The following SARDH variants were observed in gnomAD, a reference collection of about 807,000 sequenced individuals.
SARDH encodes sarcosine dehydrogenase, mitochondrial.
Under a neutral mutation model 109.1 loss-of-function variants are expected in SARDH, and 95 were observed. That is an observed-to-expected ratio of 0.87 (90% CI 0.74 to 1.03). The LOEUF is 1.03. SARDH is among the 50% of genes least tolerant of loss of function. The probability of loss-of-function intolerance (pLI) is 0.00; values close to 1 mark genes in which losing one functional copy is unlikely to be tolerated. For synonymous variants in SARDH, 572 were observed against 534.8 expected, an observed-to-expected ratio of 1.07 and a Z score of -0.96; for missense variants, 1,267 against 1,287.8, an observed-to-expected ratio of 0.98 and a Z score of 0.25.
chr9:133,684,044 C>T (rs1830793950), intron 17 of SARDH, among the ~76,000 whole-genome samples: 1 of 138,262 alleles, frequency 7.2e-6, no homozygotes, highest in African/African-American at 3.5e-5. Context: ...GCGACATCTC[C>T]TCCAGCATGA....
chr9:133,664,249 G>T (rs1588362240), intron 20 of SARDH, among the ~76,000 whole-genome samples: 1 of 152,182 alleles, frequency 6.6e-6, no homozygotes, highest in Non-Finnish European at 1.5e-5. Context: ...CCAAGGTCTG[G>T]CAGCCAATAT....
chr9:133,717,600 C>T, intron 7 of SARDH, 145 bp from the exon 8 acceptor site: 1 of 1,219,856 alleles, frequency 8.2e-7, no homozygotes, highest in Non-Finnish European at 1.1e-6. Context: ...CACGTCCCAG[C>T]CGTTTGTCTC....
chr9:133,669,662 GC>G (rs936680675), intron 19 of SARDH, among the ~76,000 whole-genome samples: 3 of 152,130 alleles, frequency 2.0e-5, no homozygotes, highest in African/African-American at 7.2e-5. Flanking sequence ...AGGTCAGGTC[GC>G]CCCCAGGCAG....
chr9:133,666,658 G>A lies in SARDH; in HGVS notation c.2631+77C>T. ...TCCTCCCTATGCCCGGCACACTCAG[G>A]GTGCAGTGCAGGGAGCTGGTTTGGA... On this transcript the variant is annotated intron_variant, in intron 20 of 20. Transcript: ENST00000439388. The surrounding 1 kb of genome is among the most constrained non-coding windows in gnomAD (Gnocchi z 5.2). 1 of 1,529,220 alleles carries A rather than the reference G, an allele frequency of 6.5e-7. No homozygotes were observed. Among genetic ancestry groups the A allele is most frequent in the Non-Finnish European group, 8.9e-7 (1 of 1,129,284 alleles). 94.7% of individuals were successfully genotyped at this position (1,529,220 alleles called of 1,614,324 possible).
chr9:133,739,192 G>A (rs1832980885), upstream of SARDH, among the ~76,000 whole-genome samples: 1 of 152,238 alleles, frequency 6.6e-6, no homozygotes, highest in Non-Finnish European at 1.5e-5. Flanking sequence ...CTGATGGAAA[G>A]TCACATCTCC....
intron 16 of SARDH, 46 bp downstream of exon 16, chr9:133,690,334 C>T (rs1189358494): frequency 6.3e-7 from 1 of 1,586,104 alleles, no homozygotes; most frequent in Admixed American, 1.7e-5. Context: ...GGACCTGGGT[C>T]CAGGCAGCAG....
Position 133,702,991 on chromosome 9 carries a change from G to A in SARDH, c.1593C>T (p.Arg531=), listed in dbSNP as rs758266072. 5 of 1,613,478 alleles carry A rather than the reference G, an allele frequency of 3.1e-6. No homozygotes were observed. The highest frequency in any genetic ancestry group is 4.5e-5 in the East Asian group (2 of 44,870). ...TGCGGTAGGCGTAGTCCTCGTGCGCGCGGCTCCCGTAAGCCCCGTAGTAGT... is the reference window on the plus strand; with the variant it reads ...TGCGGTAGGCGTAGTCCTCGTGCGCACGGCTCCCGTAAGCCCCGTAGTAGT... ...EYDYYGAYGS[R]AHEDYAYRRL... is the part of the protein sequence containing the mutation. Residue 531 remains arginine (R), a synonymous_variant, in exon 13 of 21, where the codon CGC becomes CGT. Coordinates refer to ENST00000439388, the MANE Select transcript of SARDH (RefSeq NM_001134707.2).
chr9:133,684,536 G>A lies in SARDH; in HGVS notation c.2163+657C>T, dbSNP rs142607912. Among the ~76,000 whole-genome samples, 690 of 152,298 alleles carry A rather than the reference G, an allele frequency of 4.5e-3. 4 individuals carry two copies. The highest frequency in any genetic ancestry group is 0.016 in the African/African-American group (648 of 41,574). ...AGGAAACAAAGCCCAGAAGAGGGTC[G>A]TGCTGGCCCAGAACTAGAATCTGGG... On this transcript the variant is annotated intron_variant, in intron 17 of 20. Transcript: ENST00000439388.
intron 17 of SARDH, among the ~76,000 whole-genome samples, chr9:133,684,085 G>A (rs939300236): frequency 1.2e-4 from 18 of 152,220 alleles, no homozygotes; most frequent in Non-Finnish European, 8.8e-5. Flanking sequence ...CCCGGCCCCC[G>A]CTGCCACTAC....
rs1440855835 is a variant in SARDH, at chr9:133,690,409, C to A, written c.2040G>T (p.Leu680=). Residue 680 remains leucine, a synonymous_variant, in exon 16 of 21, where the codon CTG becomes CTT. Transcript: ENST00000439388. ...CTGGGCCCTGGATACTGATCATACC[C>A]AGGTCCTCGGAGCTGTCGATGAGCT... is the stretch of plus-strand genomic sequence containing the variant. The part of the protein sequence containing the change: ...QCQLIDSSED[L]GMISIQGPAS... The A allele has an allele frequency of 3.1e-6, 5 of 1,613,120 alleles. No homozygotes were observed. In the East Asian group the frequency reaches 6.7e-5, roughly 22 times the overall value.
intron 6 of SARDH, among the ~76,000 whole-genome samples, chr9:133,723,670 G>T (rs1336193376): frequency 6.6e-6 from 1 of 152,210 alleles, no homozygotes; most frequent in Non-Finnish European, 1.5e-5. Flanking sequence ...GGCTGAGGCA[G>T]GAGAATGGCA....
intron 19 of SARDH, among the ~76,000 whole-genome samples, chr9:133,668,105 C>T (rs576243995): frequency 7.9e-5 from 12 of 151,956 alleles, no homozygotes; most frequent in South Asian, 2.1e-4. Context: ...GCCAGAAGGT[C>T]GGGGTCAGGC....
intron 8 of SARDH, 115 bp from the exon 9 acceptor site, chr9:133,713,239 C>G (rs1192206317): frequency 3.8e-6 from 3 of 794,234 alleles, no homozygotes; most frequent in East Asian, 5.3e-5. Context: ...TCCACCCAAC[C>G]CCCTCCCTCC....
At chr9:133,738,658 C>T (rs901916717), upstream of SARDH, among the ~76,000 whole-genome samples, 1 of 152,220 alleles carries the variant, frequency 6.6e-6, no homozygotes, top group Non-Finnish European at 1.5e-5. Flanking sequence ...GAGCTCCCCG[C>T]GCCCAGAAGG....
chr9:133,689,991 G>C (rs771063593), intron 16 of SARDH, among the ~76,000 whole-genome samples: 4 of 152,126 alleles, frequency 2.6e-5, no homozygotes, highest in African/African-American at 9.7e-5. Flanking sequence ...GGGACCCCTC[G>C]GTATAGGATA....
upstream of SARDH, among the ~76,000 whole-genome samples, chr9:133,738,939 G>T (rs933369135): frequency 6.6e-6 from 1 of 152,204 alleles, no homozygotes; most frequent in African/African-American, 2.4e-5. Flanking sequence ...CCAAGCCACT[G>T]GCTACTGCAC....
chr9:133,676,885 T>C (rs1830530906), intron 17 of SARDH, among the ~76,000 whole-genome samples: 1 of 152,164 alleles, frequency 6.6e-6, no homozygotes, highest in Non-Finnish European at 1.5e-5. Context: ...ACGCCTGCAA[T>C]CCCAGCACTT....
At chr9:133,737,824 C>T (rs1832934896) in intron 1 of SARDH, among the ~76,000 whole-genome samples, 1 of 152,224 alleles carries the variant, frequency 6.6e-6, no homozygotes, top group Admixed American at 6.5e-5. Flanking sequence ...CTCTCTTGCC[C>T]CCTCCAACTC....
In SARDH at chr9:133,702,994, G is replaced by A; in HGVS notation, c.1590C>T (p.Ser530=). ...GGTAGGCGTAGTCCTCGTGCGCGCGGCTCCCGTAAGCCCCGTAGTAGTCGT... is the reference window on the plus strand; with the variant it reads ...GGTAGGCGTAGTCCTCGTGCGCGCGACTCCCGTAAGCCCCGTAGTAGTCGT... ...LEYDYYGAYG[S]RAHEDYAYRR... Residue 530 remains serine, a synonymous_variant, in exon 13 of 21, where the codon AGC becomes AGT. Coordinates refer to ENST00000439388, the MANE Select transcript of SARDH (RefSeq NM_001134707.2). The A allele has an allele frequency of 1.9e-6, 3 of 1,613,414 alleles. No homozygotes were observed. Among genetic ancestry groups the A allele is most frequent in the Non-Finnish European group, 1.7e-6 (2 of 1,179,976 alleles).
Sources: gnomAD v4.1 joint callset for allele counts (sites outside exome capture counted in the v4.1 genomes callset) on GRCh38, gnomAD v4.1.1 for gene constraint, Gnocchi (gnomAD v3.1) non-coding constraint, MANE v1.5 for transcripts, NCBI Gene and HGNC (gene_info 2026-07-23, HGNC 2026-07-21) for gene names.